Variants in USP3 observed in about 807,000 individuals in gnomAD.
USP3 encodes ubiquitin carboxyl-terminal hydrolase 3.
Under a neutral mutation model 72.3 loss-of-function variants are expected in USP3, and 20 were observed. The ratio of observed to expected loss-of-function variants is 0.28; its 90% CI spans 0.19 to 0.40. The LOEUF (loss-of-function observed/expected upper bound fraction) is 0.40. Among genes scored for constraint, USP3 ranks in the 10% least tolerant of loss-of-function variants. The pLI, the probability that USP3 is intolerant of heterozygous loss-of-function variation, is 1.00. For missense variants in USP3, 479 were observed against 633.9 expected (o/e 0.76, Z 2.62); for synonymous variants, 222 against 225.3 (o/e 0.99, Z 0.13).
rs1306462676 is a variant in USP3, at chr15:63,591,717, T to A, written c.*891T>A. The A allele has an allele frequency of 6.6e-6, 1 of 152,204 alleles. No individual in the cohort carries two copies. Among genetic ancestry groups the A allele is most frequent in the African/African-American group, 2.4e-5 (1 of 41,446 alleles). 9.4% of individuals were successfully genotyped at this position (152,204 alleles called of 1,614,324 possible). On this transcript the variant is annotated 3_prime_UTR_variant, in exon 15 of 15. Transcript: ENST00000380324. ...ACTTACTTACTGCTTGTGTTTGGCA[T>A]CTGAGTCTGAGGTGTGACCCTCTGG...
chr15:63,524,698 A>T (rs1595712517), intron 1 of USP3, among the ~76,000 whole-genome samples: 1 of 152,130 alleles, frequency 6.6e-6, no homozygotes, highest in East Asian at 1.9e-4. Flanking sequence ...GTCTCCCTGC[A>T]CATGGTTTGG....
At chr15:63,573,603 T>G (rs1421530399) in intron 9 of USP3, among the ~76,000 whole-genome samples, 2 of 152,204 alleles carry the variant, frequency 1.3e-5, no homozygotes, top group African/African-American at 2.4e-5. Flanking sequence ...TCTAAAACTA[T>G]CTCAGATCAA....
intron 2 of USP3, among the ~76,000 whole-genome samples, chr15:63,533,595 T>G (rs2066110865): frequency 2.6e-5 from 4 of 152,194 alleles, no homozygotes; most frequent in African/African-American, 9.6e-5. Context: ...GGCTGAAATC[T>G]ATATTGTATT....
At chr15:63,510,329 G>GT (rs1219622085) in intron 1 of USP3, among the ~76,000 whole-genome samples, 9 of 151,592 alleles carry the variant, frequency 5.9e-5, no homozygotes, top group African/African-American at 9.7e-5. Flanking sequence ...TAACCTGCTC[G>GT]TTTTTTTTCT....
chr15:63,580,485 A>G (rs2066934632), intron 11 of USP3, among the ~76,000 whole-genome samples: 1 of 151,652 alleles, frequency 6.6e-6, no homozygotes, highest in Non-Finnish European at 1.5e-5. Flanking sequence ...TATATAGTAT[A>G]TAAAGTTGAC....
Position 63,588,505 on chromosome 15 carries a change from A to G in USP3, c.1215+82A>G, listed in dbSNP as rs2067119917. On this transcript the variant is annotated intron_variant, in intron 12 of 14. Transcript: ENST00000380324. This position sits in a 1 kb window ranked among gnomAD's most constrained non-coding sequence, Gnocchi z 4.6. ...AAGACCATGTCTATAACTTTACACT[A>G]TGTGAACTGTTCTGTATTTTTCTCT... 2 of 1,094,836 alleles carry G rather than the reference A, an allele frequency of 1.8e-6. No homozygotes were observed. Among genetic ancestry groups the G allele is most frequent in the East Asian group, 2.3e-5 (1 of 42,678 alleles). The allele number at this position is 1,094,836 out of a possible 1,614,324, so 67.8% of individuals were successfully genotyped here.
At chr15:63,518,709 C>T (rs755386644) in intron 1 of USP3, among the ~76,000 whole-genome samples, 27 of 152,048 alleles carry the variant, frequency 1.8e-4, no homozygotes, top group Non-Finnish European at 2.8e-4. Context: ...TATATTTCCC[C>T]TTATTAATTT....
At chr15:63,554,175 G>A (rs1054345322) in intron 4 of USP3, among the ~76,000 whole-genome samples, 2 of 152,108 alleles carry the variant, frequency 1.3e-5, no homozygotes, top group Non-Finnish European at 2.9e-5. Flanking sequence ...GTATTATGAG[G>A]TCTACTAGGA....
At chr15:63,579,610 T>C (rs929096139) in intron 11 of USP3, among the ~76,000 whole-genome samples, 5 of 152,202 alleles carry the variant, frequency 3.3e-5, no homozygotes, top group African/African-American at 9.6e-5. Context: ...CAGGACACTA[T>C]AGGAAAGCAT....
At chr15:63,585,162 A>T (rs549238360) in intron 11 of USP3, among the ~76,000 whole-genome samples, 1 of 152,286 alleles carries the variant, frequency 6.6e-6, no homozygotes, top group Non-Finnish European at 1.5e-5. Flanking sequence ...TGAAAGTATG[A>T]GTCCTATAAC....
At chr15:63,559,499 C>T (rs1289385551) in intron 6 of USP3, among the ~76,000 whole-genome samples, 1 of 152,126 alleles carries the variant, frequency 6.6e-6, no homozygotes, top group Non-Finnish European at 1.5e-5. Flanking sequence ...TGGTCGGTTT[C>T]ATGGTTTGTT....
Position 63,570,635 on chromosome 15 carries a change from T to A in USP3, c.908+56T>A. On this transcript the variant is annotated intron_variant, in intron 9 of 14. Transcript: ENST00000380324. This position sits in a 1 kb window ranked among gnomAD's most constrained non-coding sequence, Gnocchi z 4.4. ...AGGGCCTCAGACATTTCTTTTGGTG[T>A]TAATTATGTGTTAGATTTATAACGG... 1 of 1,552,632 alleles carries A rather than the reference T, an allele frequency of 6.4e-7. No homozygotes were observed. The highest frequency in any genetic ancestry group is 1.3e-5 in the South Asian group (1 of 79,922).
chr15:63,515,691 AAG>A (rs1181342014), intron 1 of USP3, among the ~76,000 whole-genome samples: 1 of 152,260 alleles, frequency 6.6e-6, no homozygotes, highest in Non-Finnish European at 1.5e-5. Flanking sequence ...TTTAATAAAA[AAG>A]ATAAAAATTG....
In USP3 at chr15:63,593,369, G is replaced by A. The variant is rs1318232186; in HGVS notation, c.*2543G>A. The A allele has an allele frequency of 6.6e-6, 1 of 152,164 alleles. No individual in the cohort carries two copies. Among genetic ancestry groups the A allele is most frequent in the Admixed American group, 6.5e-5 (1 of 15,276 alleles). 9.4% of individuals were successfully genotyped at this position (152,164 alleles called of 1,614,324 possible). ...TGAATCCGGGCTCTTTTGCTTAGAA[G>A]GTAGACAGCTGTAACCTCTAACATT... On this transcript the variant is annotated 3_prime_UTR_variant, in exon 15 of 15. Transcript: ENST00000380324.
intron 3 of USP3, among the ~76,000 whole-genome samples, chr15:63,547,854 GAGAGAGAGGCAT>G (rs2066369783): frequency 9.4e-6 from 1 of 105,932 alleles, no homozygotes; most frequent in Non-Finnish European, 2.0e-5. Flanking sequence ...GGGAGAGAGA[GAGAGAGAGGCAT>G]AGAGAGAGAG....
At position 63,588,893 on chromosome 15, in the gene USP3, C is replaced by G. The variant is rs747543048; in HGVS notation, c.1330-51C>G. On this transcript the variant is annotated intron_variant, in intron 13 of 14. Transcript: ENST00000380324. The surrounding 1 kb of genome is among the most constrained non-coding windows in gnomAD (Gnocchi z 4.6). ...GTCATCACATGGAGAGGGTAGAGGT[C>G]ATCGAGATACTGATGTCATTGACCA... 2 of 1,612,220 alleles carry G rather than the reference C, an allele frequency of 1.2e-6. No individual in the cohort carries two copies. The highest frequency in any genetic ancestry group is 4.5e-5 in the East Asian group (2 of 44,874).
At chr15:63,583,133 C>CAA (rs2066993885) in intron 11 of USP3, among the ~76,000 whole-genome samples, 1 of 152,158 alleles carries the variant, frequency 6.6e-6, no homozygotes, top group Non-Finnish European at 1.5e-5. Flanking sequence ...AAAGGCTTCT[C>CAA]TGCTGTTGAG....
chr15:63,531,370 C>T (rs1213337255), intron 1 of USP3, among the ~76,000 whole-genome samples: 2 of 152,046 alleles, frequency 1.3e-5, no homozygotes, highest in Admixed American at 6.6e-5. Context: ...TGGTTAATAT[C>T]CTACAGGGTA....
rs914387774 is a variant in USP3, at chr15:63,591,426, A to T, written c.*600A>T. The T allele has an allele frequency of 6.6e-6, 1 of 152,206 alleles. No homozygotes were observed. Among genetic ancestry groups the T allele is most frequent in the Non-Finnish European group, 1.5e-5 (1 of 68,042 alleles). 9.4% of individuals were successfully genotyped at this position (152,206 alleles called of 1,614,324 possible). ...CTGTCTTTATCAGCACTAACTAAATAAATTTGTTGGTTCAGTTGTACTTGT... is the reference window on the plus strand; with the variant it reads ...CTGTCTTTATCAGCACTAACTAAATTAATTTGTTGGTTCAGTTGTACTTGT... On this transcript the variant is annotated 3_prime_UTR_variant, in exon 15 of 15. Coordinates refer to ENST00000380324, the MANE Select transcript of USP3 (RefSeq NM_006537.4).
Sources: gnomAD v4.1 joint callset for allele counts (sites outside exome capture counted in the v4.1 genomes callset) on GRCh38, gnomAD v4.1.1 for gene constraint, Gnocchi (gnomAD v3.1) non-coding constraint, MANE v1.5 for transcripts, NCBI Gene and HGNC (gene_info 2026-07-23, HGNC 2026-07-21) for gene names.